Variants in TTC21B observed in about 807,000 individuals in gnomAD.
The protein encoded by TTC21B is tetratricopeptide repeat domain 21B.
A neutral mutation model predicts 175.1 loss-of-function variants in TTC21B; 127 were observed. The observed-to-expected ratio is 0.73, with a 90% CI of 0.63 to 0.84. The LOEUF (loss-of-function observed/expected upper bound fraction) is 0.84. TTC21B is among the 40% of genes least tolerant of loss of function. The pLI, the probability that TTC21B is intolerant of heterozygous loss-of-function variation, is 0.00. For synonymous variants in TTC21B, 524 were observed against 524.5 expected (o/e 1.00, Z 0.01); for missense variants, 1,561 against 1,558.3 (o/e 1.00, Z -0.03).
At chr2:165,875,020 G>C (rs965059822) in intron 28 of TTC21B, among the ~76,000 whole-genome samples, 188 bp from the exon 29 acceptor site, 2 of 152,142 alleles carry the variant, frequency 1.3e-5, no homozygotes, top group East Asian at 1.9e-4. Flanking sequence ...ATGGTAGTTA[G>C]ATGAGAACAA....
At chr2:165,940,849 T>G (rs574670181) in intron 6 of TTC21B, among the ~76,000 whole-genome samples, 178 bp downstream of exon 6, 1 of 152,202 alleles carries the variant, frequency 6.6e-6, no homozygotes, top group African/African-American at 2.4e-5. Context: ...ATCAAATATT[T>G]ATGTAAATCA....
Position 165,900,635 on chromosome 2 carries a change from T to C in TTC21B, c.2758-755A>G, listed in dbSNP as rs146658379. On this transcript the variant is annotated intron_variant, in intron 20 of 28. Transcript: ENST00000243344. Reference sequence around the variant, plus strand: ...TTGAGCCTAGCCATTTTTGCATCCTTAGTACTAAACACCAATTGAAATACA... The same window carrying C: ...TTGAGCCTAGCCATTTTTGCATCCTCAGTACTAAACACCAATTGAAATACA... 6.2e-3 allele frequency among the ~76,000 whole-genome samples: 949 copies of C among 152,290 alleles called. 9 individuals are homozygous for C. Among genetic ancestry groups the C allele is most frequent in the African/African-American group, 0.022 (911 of 41,566 alleles).
chr2:165,932,886 T>C (rs1166097939), intron 7 of TTC21B, 87 bp downstream of exon 7: 5 of 1,153,422 alleles, frequency 4.3e-6, no homozygotes, highest in African/African-American at 1.5e-5. Context: ...AAGGCTTTAA[T>C]GTATATGCAC....
chr2:165,935,670 T>C (rs952125108), intron 6 of TTC21B, among the ~76,000 whole-genome samples: 7 of 152,164 alleles, frequency 4.6e-5, no homozygotes, highest in African/African-American at 1.4e-4. Flanking sequence ...GCACTAGCAA[T>C]GAACAAGTGG....
intron 6 of TTC21B, among the ~76,000 whole-genome samples, chr2:165,937,395 A>G (rs1453808416): frequency 2.0e-5 from 3 of 152,152 alleles, no homozygotes; most frequent in Non-Finnish European, 4.4e-5. Context: ...TGTCCAAACC[A>G]CTAGAATGTA....
intron 6 of TTC21B, among the ~76,000 whole-genome samples, chr2:165,940,354 C>A (rs1430126498): frequency 6.6e-6 from 1 of 152,124 alleles, no homozygotes; most frequent in Non-Finnish European, 1.5e-5. Flanking sequence ...GCTCAAAACC[C>A]TCCAGTAACC....
At chr2:165,920,292 G>A (rs1001320387) in intron 12 of TTC21B, among the ~76,000 whole-genome samples, 5 of 152,040 alleles carry the variant, frequency 3.3e-5, no homozygotes, top group Non-Finnish European at 7.3e-5. Flanking sequence ...AAACTCACCT[G>A]ATGCCTCAGT....
In TTC21B at chr2:165,912,585, G is replaced by C. The variant is rs747515104; in HGVS notation, c.2251C>G (p.Gln751Glu). Residue 751 changes from glutamine to glutamate, a missense_variant, in exon 17 of 29, where the codon CAG (glutamine) becomes GAG (glutamate). Physicochemically the swap from Gln to Glu is conservative, Grantham distance 29 (BLOSUM62 2). Transcript: ENST00000243344. ...GCCAATGTTCCATCTTTCGGGTTCT[G>C]ATTTAATGCTTGCTCATATGCTACT... ...AIVAYEQALN[Q>E]NPKDGTLASK... 1.2e-5 allele frequency: 20 copies of C among 1,613,960 alleles called. No homozygotes were observed. The East Asian group carries it at 4.0e-4, about 32-fold the overall frequency.
chr2:165,876,464 T>C (rs964694700), intron 27 of TTC21B, among the ~76,000 whole-genome samples: 14 of 152,332 alleles, frequency 9.2e-5, no homozygotes, highest in African/African-American at 2.2e-4. Flanking sequence ...AGTGAATACA[T>C]TGATAGGTTA....
In TTC21B at chr2:165,891,118, C is replaced by T. The variant is rs926952680; in HGVS notation, c.2951-130G>A. On this transcript the variant is annotated intron_variant, in intron 22 of 28. Transcript: ENST00000243344. ...TTTTAAATATAAATAAAAAATGCCT[C>T]AGGGTATAATTCCCTATAGAGGCTG... The T allele has an allele frequency of 7.3e-6, 6 of 825,946 alleles. No individual in the cohort carries two copies. The African/African-American group carries it at 1.0e-4, about 14-fold the overall frequency. 51.2% of individuals were successfully genotyped at this position (825,946 alleles called of 1,614,324 possible).
intron 25 of TTC21B, among the ~76,000 whole-genome samples, chr2:165,886,881 T>C (rs1295281110): frequency 6.6e-6 from 1 of 152,212 alleles, no homozygotes; most frequent in East Asian, 1.9e-4. Flanking sequence ...ATTGCCCTAC[T>C]TCTGCTCTGC....
intron 11 of TTC21B, among the ~76,000 whole-genome samples, chr2:165,925,664 A>T (rs1180893511): frequency 6.6e-6 from 1 of 152,176 alleles, no homozygotes; most frequent in Non-Finnish European, 1.5e-5. Context: ...AGAATACTTC[A>T]ACTTCTTTAT....
intron 28 of TTC21B, among the ~76,000 whole-genome samples, chr2:165,875,349 T>C (rs1320421012): frequency 6.6e-6 from 1 of 152,074 alleles, no homozygotes; most frequent in East Asian, 1.9e-4. Flanking sequence ...ACTGAAATAC[T>C]GCTTTACAGA....
At chr2:165,939,099 C>G (rs190628065) in intron 6 of TTC21B, among the ~76,000 whole-genome samples, 86 of 152,064 alleles carry the variant, frequency 5.7e-4, no homozygotes, top group Non-Finnish European at 1.9e-4. Flanking sequence ...AAGCCAAGAA[C>G]CAAATGGGAG....
At chr2:165,888,838 G>T (rs924428783) in intron 24 of TTC21B, among the ~76,000 whole-genome samples, 1 of 152,038 alleles carries the variant, frequency 6.6e-6, no homozygotes, top group African/African-American at 2.4e-5. Context: ...AAAGTGAAAG[G>T]AAAGGAAAAA....
At chr2:165,894,433 C>T (rs114948638) in intron 22 of TTC21B, among the ~76,000 whole-genome samples, 2,506 of 152,118 alleles carry the variant, frequency 0.016, 41 homozygotes, top group Middle Eastern at 0.027. Context: ...ATAAAATGAA[C>T]GGAGATGCAT....
chr2:165,909,078 A>G (rs1685842741), intron 18 of TTC21B, among the ~76,000 whole-genome samples: 1 of 152,164 alleles, frequency 6.6e-6, no homozygotes, highest in African/African-American at 2.4e-5. Context: ...GGCAAAAGAA[A>G]AGAAACATAC....
chr2:165,884,067 C>T (rs1277909710), intron 25 of TTC21B, 49 bp from the exon 26 acceptor site: 20 of 1,462,384 alleles, frequency 1.4e-5, no homozygotes, highest in Middle Eastern at 1.7e-4. Flanking sequence ...ACATAAATGC[C>T]CCAAAAACAT....
chr2:165,901,365 C>CTGGA (rs772285497), intron 20 of TTC21B, among the ~76,000 whole-genome samples: 67 of 152,186 alleles, frequency 4.4e-4, no homozygotes, highest in Non-Finnish European at 5.0e-4. Context: ...GTTGCCCAGG[C>CTGGA]TGGAGTGCAG....
Sources: gnomAD v4.1 joint callset for allele counts (sites outside exome capture counted in the v4.1 genomes callset) on GRCh38, gnomAD v4.1.1 for gene constraint, MANE v1.5 for transcripts, NCBI Gene and HGNC (gene_info 2026-07-23, HGNC 2026-07-21) for gene names.